Variants in INSYN1 observed in about 807,000 individuals in gnomAD.
The protein encoded by INSYN1 is inhibitory synaptic factor 1, also known as UPF0583 protein C15orf59.
A neutral mutation model predicts 17.1 loss-of-function variants in INSYN1; 7 were observed. That is an observed-to-expected ratio of 0.41 (90% CI 0.23 to 0.77). INSYN1 has a LOEUF of 0.77. Among genes scored for constraint, INSYN1 ranks in the 30% least tolerant of loss-of-function variants. INSYN1 has a pLI of 0.32. For missense variants in INSYN1, 339 were observed against 400.6 expected (o/e 0.85, Z 1.31); for synonymous variants, 174 against 166.3 (o/e 1.05, Z -0.36).
intron 2 of INSYN1, among the ~76,000 whole-genome samples, chr15:73,749,955 C>T: frequency 6.6e-6 from 1 of 152,286 alleles, no homozygotes; most frequent in African/African-American, 2.4e-5. Context: ...CTACCATCAC[C>T]CCACCTCTTC....
At chr15:73,745,810 A>AAAAACAAAACAACAAAACAAAAC (rs1901810687) in intron 2 of INSYN1, among the ~76,000 whole-genome samples, 1 of 149,804 alleles carries the variant, frequency 6.7e-6, no homozygotes, top group African/African-American at 2.5e-5. Context: ...CTCCGTCTCA[A>AAAAACAAAACAACAAAACAAAAC]AAAACAAAAC....
chr15:73,747,472 C>T (rs1258880971), intron 2 of INSYN1, among the ~76,000 whole-genome samples: 1 of 152,236 alleles, frequency 6.6e-6, no homozygotes, highest in Non-Finnish European at 1.5e-5. Context: ...TCATTAAAAA[C>T]ATCAAACAGA....
intron 2 of INSYN1, 23 bp downstream of exon 2, chr15:73,750,952 G>A (rs1318000172): frequency 4.3e-6 from 7 of 1,613,530 alleles, no homozygotes; most frequent in Non-Finnish European, 5.9e-6. Flanking sequence ...GGTCTGTCTG[G>A]TCCCTCCTCA....
chr15:73,738,003 CA>C lies in INSYN1; in HGVS notation c.*1913del, dbSNP rs1329127668. 2 of 152,294 alleles carry C rather than the reference CA, an allele frequency of 1.3e-5. No homozygotes were observed. The highest frequency in any genetic ancestry group is 4.8e-5 in the African/African-American group (2 of 41,448). 9.4% of individuals were successfully genotyped at this position (152,294 alleles called of 1,614,324 possible). ...ACCAAGCAATGGAGTGTTTGTGACC[CA>C]GGGGTGGCTCCCAGTTGGATGGAGG... is the stretch of plus-strand genomic sequence containing the variant. On this transcript the variant is annotated 3_prime_UTR_variant, in exon 3 of 3. Transcript: ENST00000569673.
chr15:73,744,857 G>C (rs1156249075), intron 2 of INSYN1, among the ~76,000 whole-genome samples: 1 of 152,126 alleles, frequency 6.6e-6, no homozygotes, highest in African/African-American at 2.4e-5. Context: ...TGTTTGCCGA[G>C]GGGGGCAATG....
chr15:73,741,861 TA>T (rs1901699810), intron 2 of INSYN1, among the ~76,000 whole-genome samples: 1 of 152,180 alleles, frequency 6.6e-6, no homozygotes, highest in African/African-American at 2.4e-5. Context: ...AGGGATGTGC[TA>T]GTATTTGGCA....
chr15:73,743,206 T>C (rs771630852), intron 2 of INSYN1, among the ~76,000 whole-genome samples: 17 of 152,210 alleles, frequency 1.1e-4, no homozygotes, highest in Non-Finnish European at 2.1e-4. Context: ...AAGCTGGGTC[T>C]CCTGATGCTT....
chr15:73,751,949 C>A (rs1260932181), intron 1 of INSYN1, among the ~76,000 whole-genome samples, 161 bp downstream of exon 1: 1 of 150,536 alleles, frequency 6.6e-6, no homozygotes, highest in African/African-American at 2.4e-5. Context: ...CCCGCCCTCC[C>A]CCCCCACCTT....
chr15:73,741,599 G>A (rs1444181281), intron 2 of INSYN1, among the ~76,000 whole-genome samples: 3 of 152,212 alleles, frequency 2.0e-5, no homozygotes, highest in East Asian at 3.8e-4. Context: ...GAGACACAGG[G>A]ATGGGACAGG....
chr15:73,745,527 T>C (rs373895919), intron 2 of INSYN1, among the ~76,000 whole-genome samples: 14 of 152,306 alleles, frequency 9.2e-5, no homozygotes, highest in African/African-American at 3.4e-4. Flanking sequence ...TGCACCTATA[T>C]GTTATAACGT....
chr15:73,753,139 C>A lies in INSYN1; in HGVS notation c.-1597G>T, dbSNP rs1902038419. ...CAGGCGCCGGGTCGGGGCTGGGCCTCCCTTCACCGCCTCGCCCTGCCCTGC... is the reference window on the plus strand; with the variant it reads ...CAGGCGCCGGGTCGGGGCTGGGCCTACCTTCACCGCCTCGCCCTGCCCTGC... On this transcript the variant is annotated 5_prime_UTR_variant, in exon 1 of 3. Transcript: ENST00000569673. The surrounding 1 kb of genome is among the most constrained non-coding windows in gnomAD (Gnocchi z 4.2). Among the ~76,000 whole-genome samples, 1 of 147,776 alleles carries A rather than the reference C, an allele frequency of 6.8e-6. No individual in the cohort carries two copies. The highest frequency in any genetic ancestry group is 2.5e-5 in the African/African-American group (1 of 40,770).
rs1901525460 is a variant in INSYN1 at position 73,736,282 on chromosome 15, T to C, written c.*3635A>G. On this transcript the variant is annotated 3_prime_UTR_variant, in exon 3 of 3. Coordinates refer to ENST00000569673, the MANE Select transcript of INSYN1 (RefSeq NM_001039614.3). ...TCTATCCCTAGCTGGCCACATTTTG[T>C]GTTTCAAGTCTGAAGAAGCCACTGG... The C allele has an allele frequency of 6.6e-6, 1 of 152,340 alleles. No homozygotes were observed. Among genetic ancestry groups the C allele is most frequent in the Non-Finnish European group, 1.5e-5 (1 of 68,134 alleles). 9.4% of individuals were successfully genotyped at this position (152,340 alleles called of 1,614,324 possible).
chr15:73,749,203 A>C (rs762252613), intron 2 of INSYN1, among the ~76,000 whole-genome samples: 130 of 152,190 alleles, frequency 8.5e-4, no homozygotes, highest in Non-Finnish European at 7.2e-4. Context: ...GAGATCGCCC[A>C]GTAGCTCACC....
At position 73,751,088 on chromosome 15, in the gene INSYN1, C is replaced by T. The variant is rs772102988; in HGVS notation, c.43G>A (p.Asp15Asn). 5.0e-6 allele frequency: 8 copies of T among 1,614,008 alleles called. No individual in the cohort carries two copies. Among genetic ancestry groups the T allele is most frequent in the Non-Finnish European group, 3.4e-6 (4 of 1,180,022 alleles). ...TCCCGCTCACCACCACTGCTGGGGT[C>T]GTCACTGGGCTGCCCGAGGTCCGGG... The part of the protein sequence containing the change: ...GAPDLGQPSD[D>N]PSSGGERERI... The change falls in exon 2 of 3, where the codon GAC becomes AAC. Residue 15 changes from aspartate to asparagine, a missense_variant. Coordinates refer to ENST00000569673, the MANE Select transcript of INSYN1 (RefSeq NM_001039614.3).
intron 2 of INSYN1, among the ~76,000 whole-genome samples, chr15:73,748,970 C>T (rs574458808): frequency 9.2e-5 from 14 of 152,314 alleles, no homozygotes; most frequent in Admixed American, 9.2e-4. Flanking sequence ...GGCACATGGC[C>T]TACAGGGTGT....
rs1404704806 is a variant in INSYN1 at position 73,740,166 on chromosome 15, C to T, written c.633G>A (p.Glu211=). The T allele has an allele frequency of 5.6e-6, 9 of 1,613,942 alleles. No homozygotes were observed. The highest frequency in any genetic ancestry group is 2.7e-5 in the African/African-American group (2 of 74,900). Reference sequence around the variant, plus strand: ...CAGGGGGCAAGCCCACTTCTTCCTCCTCCACCTCCTGCTCACCGTCCCCCT... The same window carrying T: ...CAGGGGGCAAGCCCACTTCTTCCTCTTCCACCTCCTGCTCACCGTCCCCCT... ...DEEGDGEQEV[E]EEEVGLPPEP... The change falls in exon 3 of 3, where the codon GAG becomes GAA. Residue 211 remains glutamate, a synonymous_variant. Transcript: ENST00000569673.
rs753387127 is a variant in INSYN1, at chr15:73,740,119, T to A, written c.680A>T (p.His227Leu). ...LPPEPAHTEA[H>L]AGPHKPSPAP... ...TGGGGAGGGCTTGTGGGGGCCTGCATGGGCCTCTGTATGGGCAGGCTCAGG... is the reference window on the plus strand; with the variant it reads ...TGGGGAGGGCTTGTGGGGGCCTGCAAGGGCCTCTGTATGGGCAGGCTCAGG... The change falls in exon 3 of 3, where the codon CAT becomes CTT. Residue 227 changes from histidine to leucine, a missense_variant. His to Leu is a moderately conservative substitution (Grantham distance 99, BLOSUM62 -3). Coordinates refer to ENST00000569673, the MANE Select transcript of INSYN1 (RefSeq NM_001039614.3). The A allele has an allele frequency of 6.2e-7, 1 of 1,613,874 alleles. No homozygotes were observed. The highest frequency in any genetic ancestry group is 1.1e-5 in the South Asian group (1 of 91,076).
At position 73,741,285 on chromosome 15, in the gene INSYN1, C is replaced by A. The variant is rs74023523; in HGVS notation, c.157-643G>T. Among the ~76,000 whole-genome samples the A allele has an allele frequency of 8.9e-3, 1,357 of 152,362 alleles. 31 individuals are homozygous for A. The highest frequency in any genetic ancestry group is 0.031 in the African/African-American group (1,295 of 41,574). ...TCCATCTCCCGGAGCCTCCTCATTC[C>A]TTCCCCTTCCCTGCCCACTGACAAG... On this transcript the variant is annotated intron_variant, in intron 2 of 2. Transcript: ENST00000569673.
intron 2 of INSYN1, among the ~76,000 whole-genome samples, chr15:73,743,039 C>G (rs893193606): frequency 2.6e-5 from 4 of 152,248 alleles, no homozygotes; most frequent in African/African-American, 4.8e-5. Context: ...GGCCCACCAC[C>G]TCTGGGGCAG....
Sources: allele counts gnomAD v4.1 joint callset (sites outside exome capture counted in the v4.1 genomes callset), GRCh38; gene constraint gnomAD v4.1.1; non-coding constraint Gnocchi (gnomAD v3.1); transcripts MANE v1.5; gene names NCBI Gene and HGNC (gene_info 2026-07-23, HGNC 2026-07-21).